Variants in ERLEC1 observed in about 807,000 individuals in gnomAD.
ERLEC1 encodes the protein ER lectin.
A neutral mutation model predicts 68.0 loss-of-function variants in ERLEC1; 47 were observed. That is an observed-to-expected ratio of 0.69 (90% CI 0.55 to 0.88). The LOEUF (loss-of-function observed/expected upper bound fraction) is 0.88, where lower values mean the gene tolerates loss of function less well. ERLEC1 is among the 40% of genes least tolerant of loss of function. The pLI is 0.00. For synonymous variants in ERLEC1, 225 were observed against 203.2 expected (o/e 1.11, Z -0.91); for missense variants, 567 against 583.8 (o/e 0.97, Z 0.30).
At chr2:53,812,927 A>G (rs1418760382) in intron 10 of ERLEC1, 22 bp from the exon 11 acceptor site, 1 of 1,598,364 alleles carries the variant, frequency 6.3e-7, no homozygotes, top group Non-Finnish European at 8.5e-7. Flanking sequence ...ACGCATTATC[A>G]CAAATTTTTT....
intron 2 of ERLEC1, 99 bp from the exon 3 acceptor site, chr2:53,795,834 C>G (rs879122419): frequency 2.7e-6 from 2 of 745,556 alleles, no homozygotes; most frequent in Admixed American, 6.2e-5. Flanking sequence ...TCTTTTATTT[C>G]TAAGCATTTG....
intron 12 of ERLEC1, 75 bp downstream of exon 12, chr2:53,814,695 A>G: frequency 8.9e-7 from 1 of 1,122,418 alleles, no homozygotes; most frequent in Non-Finnish European, 1.3e-6. Flanking sequence ...TTTTATGTAA[A>G]CAGTATAATT....
Position 53,787,275 on chromosome 2 carries a change from G to A in ERLEC1, c.65G>A (p.Cys22Tyr), listed in dbSNP as rs369781236. 53 of 1,608,634 alleles carry A rather than the reference G, an allele frequency of 3.3e-5. No homozygotes were observed. The East Asian group carries it at 9.4e-4, about 28-fold the overall frequency. The change falls in exon 1 of 14, where the codon TGC becomes TAC. Residue 22 changes from cysteine (C) to tyrosine (Y), a missense_variant. By Grantham distance (194) the Cys-to-Tyr change is radical. Coordinates refer to ENST00000185150, the MANE Select transcript of ERLEC1 (RefSeq NM_015701.5). The part of the protein sequence containing the change: ...VPGGPVLLVL[C>Y]GLLEASGGGR... Reference sequence around the variant, plus strand: ...GGCGGGCCGGTGTTACTGGTCCTCTGCGGCCTCCTGGAGGCGTCCGGCGGC... The same window carrying A: ...GGCGGGCCGGTGTTACTGGTCCTCTACGGCCTCCTGGAGGCGTCCGGCGGC...
chr2:53,803,289 T>C (rs1676100220), intron 8 of ERLEC1, among the ~76,000 whole-genome samples: 1 of 152,222 alleles, frequency 6.6e-6, no homozygotes, highest in Non-Finnish European at 1.5e-5. Context: ...AAAATGTGAT[T>C]AATTCCACAG....
chr2:53,808,692 G>C (rs937507199), intron 9 of ERLEC1, among the ~76,000 whole-genome samples: 3 of 152,048 alleles, frequency 2.0e-5, no homozygotes, highest in African/African-American at 7.3e-5. Flanking sequence ...CTTTTGTCTG[G>C]CAATCATATG....
chr2:53,812,913 A>C, intron 10 of ERLEC1, 36 bp from the exon 11 acceptor site: 4 of 1,598,936 alleles, frequency 2.5e-6, no homozygotes, highest in Non-Finnish European at 3.4e-6. Flanking sequence ...TGATGATATC[A>C]AGCACGCATT....
intron 6 of ERLEC1, among the ~76,000 whole-genome samples, chr2:53,800,650 A>G (rs917261990): frequency 4.6e-5 from 7 of 152,164 alleles, no homozygotes; most frequent in Non-Finnish European, 8.8e-5. Context: ...GATATTATTA[A>G]CAGTGCCTTT....
chr2:53,793,908 C>T (rs776800443), intron 1 of ERLEC1, among the ~76,000 whole-genome samples: 24 of 152,126 alleles, frequency 1.6e-4, no homozygotes, highest in Non-Finnish European at 3.1e-4. Context: ...GCTTGGAGGT[C>T]ATTATCTTAA....
intron 10 of ERLEC1, among the ~76,000 whole-genome samples, chr2:53,810,190 C>T (rs1676514964): frequency 6.6e-6 from 1 of 152,080 alleles, no homozygotes; most frequent in South Asian, 2.1e-4. Flanking sequence ...ACACCCTGGG[C>T]CAGGCATAGT....
Position 53,808,437 on chromosome 2 carries a change from A to T in ERLEC1, c.1018A>T (p.Ser340Cys), listed in dbSNP as rs995275702. Residue 340 changes from serine (S) to cysteine (C), a missense_variant, in exon 9 of 14, where the codon AGT (serine) becomes TGT (cysteine). Transcript: ENST00000185150. Reference sequence around the variant, plus strand: ...TGACCAACTCATAAAAGAGTTTCTTAGTGGTTCTTACTGCTTTCGTGGGGT... The same window carrying T: ...TGACCAACTCATAAAAGAGTTTCTTTGTGGTTCTTACTGCTTTCGTGGGGT... ...TDDQLIKEFL[S>C]GSYCFRGGVG... 4 of 1,613,918 alleles carry T rather than the reference A, an allele frequency of 2.5e-6. No individual in the cohort carries two copies.
At chr2:53,817,147 T>C (rs1275830616) in intron 13 of ERLEC1, among the ~76,000 whole-genome samples, 2 of 151,852 alleles carry the variant, frequency 1.3e-5, no homozygotes, top group African/African-American at 2.4e-5. Flanking sequence ...TATTTTTTTT[T>C]TTTTGAGACA....
Position 53,787,249 on chromosome 2 carries a change from G to A in ERLEC1, c.39G>A (p.Pro13=), listed in dbSNP as rs1314929243. 1 of 1,606,884 alleles carries A rather than the reference G, an allele frequency of 6.2e-7. No homozygotes were observed. Among genetic ancestry groups the A allele is most frequent in the Non-Finnish European group, 8.5e-7 (1 of 1,179,656 alleles). ...EGGGGVRSLV[P]GGPVLLVLCG... Reference sequence around the variant, plus strand: ...GCGGCGGCGTACGGAGTCTGGTCCCGGGCGGGCCGGTGTTACTGGTCCTCT... The same window carrying A: ...GCGGCGGCGTACGGAGTCTGGTCCCAGGCGGGCCGGTGTTACTGGTCCTCT... Residue 13 remains proline, a synonymous_variant, in exon 1 of 14, where the codon CCG becomes CCA. Coordinates refer to ENST00000185150, the MANE Select transcript of ERLEC1 (RefSeq NM_015701.5).
rs149092437 is a variant in ERLEC1 at position 53,809,219 on chromosome 2, C to T, written c.1047C>T (p.Val349=). The change falls in exon 10 of 14, where the codon GTC becomes GTT. Residue 349 remains valine, a synonymous_variant. Coordinates refer to ENST00000185150, the MANE Select transcript of ERLEC1 (RefSeq NM_015701.5). ...TATGTTTTCTTTTTTTTTAGGGTGT[C>T]GGTTGGTGGAAATATGAATTCTGCT... ...LSGSYCFRGG[V]GWWKYEFCYG... 58 of 1,578,764 alleles carry T rather than the reference C, an allele frequency of 3.7e-5. No individual in the cohort carries two copies. Among genetic ancestry groups the T allele is most frequent in the Admixed American group, 9.9e-5 (5 of 50,674 alleles).
rs1430410284 is a variant in ERLEC1, at chr2:53,814,998, T to TC, written c.1380+63_1380+64insC. ...AGCCATGTTTTAATTTTTTTTTCTT[T>TC]TTTTTTTTTTTTTTTTTTGTTTTTT... On this transcript the variant is annotated intron_variant, in intron 13 of 13. Transcript: ENST00000185150. 3.1e-4 allele frequency: 176 copies of TC among 571,774 alleles called. No individual in the cohort carries two copies. The African/African-American group carries it at 3.5e-3, about 11-fold the overall frequency. 35.4% of individuals were successfully genotyped at this position (571,774 alleles called of 1,614,324 possible). A position where few individuals can be genotyped will look rare whatever the true frequency, so the allele number is the denominator to read the frequency against.
In ERLEC1 at chr2:53,799,034, T is replaced by C. The variant is rs1675867488; in HGVS notation, c.491-13T>C. 2 of 1,612,006 alleles carry C rather than the reference T, an allele frequency of 1.2e-6. No homozygotes were observed. Among genetic ancestry groups the C allele is most frequent in the Non-Finnish European group, 1.7e-6 (2 of 1,178,734 alleles). ...CACTGCTCATTCTTTACACTTACCT[T>C]ATTATTCCACAGAACGAGAAGCAGA... is the stretch of plus-strand genomic sequence containing the variant. On this transcript the variant is annotated splice_polypyrimidine_tract_variant and intron_variant, in intron 5 of 13. Transcript: ENST00000185150.
chr2:53,793,115 A>G (rs1482254858), intron 1 of ERLEC1, among the ~76,000 whole-genome samples: 1 of 152,216 alleles, frequency 6.6e-6, no homozygotes, highest in African/African-American at 2.4e-5. Context: ...GCACAGTACC[A>G]TAAGAGGAAA....
At position 53,794,464 on chromosome 2, in the gene ERLEC1, A is replaced by T; in HGVS notation, c.267+15A>T. The T allele has an allele frequency of 8.5e-7, 1 of 1,182,118 alleles. No homozygotes were observed. Among genetic ancestry groups the T allele is most frequent in the Non-Finnish European group, 1.2e-6 (1 of 808,892 alleles). The allele number at this position is 1,182,118 out of a possible 1,614,324, so 73.2% of individuals were successfully genotyped here. Reference sequence around the variant, plus strand: ...GTGGGGATGAGGTAAGTTTTTATAAATATATTGATAATCCTGTCACCAAAA... The same window carrying T: ...GTGGGGATGAGGTAAGTTTTTATAATTATATTGATAATCCTGTCACCAAAA... On this transcript the variant is annotated intron_variant, in intron 2 of 13. Transcript: ENST00000185150.
intron 1 of ERLEC1, among the ~76,000 whole-genome samples, chr2:53,790,242 C>A (rs748039623): frequency 7.4e-6 from 1 of 135,708 alleles, no homozygotes; most frequent in South Asian, 2.7e-4. Flanking sequence ...TGTAAGCGTG[C>A]GCTACCACAC....
Position 53,811,785 on chromosome 2 carries a change from G to C in ERLEC1, c.1102-1164G>C, listed in dbSNP as rs1024899399. Among the ~76,000 whole-genome samples the C allele has an allele frequency of 3.3e-5, 5 of 152,242 alleles. No homozygotes were observed. In the East Asian group the frequency reaches 7.7e-4, roughly 23 times the overall value. ...ACCTCTTAAAACACTTCACTTTGCT[G>C]CTCTAATTTCTGCCTATCCAGGAAC... On this transcript the variant is annotated intron_variant, in intron 10 of 13. Coordinates refer to ENST00000185150, the MANE Select transcript of ERLEC1 (RefSeq NM_015701.5).
Sources: allele counts gnomAD v4.1 joint callset (sites outside exome capture counted in the v4.1 genomes callset), GRCh38; gene constraint gnomAD v4.1.1; transcripts MANE v1.5; gene names NCBI Gene and HGNC (gene_info 2026-07-23, HGNC 2026-07-21).